The following ASTN2 variants were observed in gnomAD, a reference collection of about 807,000 sequenced individuals.
ASTN2 encodes the protein astrotactin 2, also known as astrotactin-2.
Under a neutral mutation model 139.8 loss-of-function variants are expected in ASTN2, and 54 were observed. That is an observed-to-expected ratio of 0.39 (90% CI 0.31 to 0.48). The LOEUF is 0.48. ASTN2 is among the 20% of genes least tolerant of loss of function. ASTN2 has a pLI of 0.95. For synonymous variants in ASTN2, 756 were observed against 719.5 expected (o/e 1.05, Z -0.81); for missense variants, 1,565 against 1,725.1 (o/e 0.91, Z 1.64).
chr9:116,429,815 T>C (rs1448090707), intron 22 of ASTN2, among the ~76,000 whole-genome samples: 2 of 152,172 alleles, frequency 1.3e-5, no homozygotes, highest in African/African-American at 4.8e-5. Context: ...CTACGTATGC[T>C]GTTCTGGGAA....
intron 2 of ASTN2, among the ~76,000 whole-genome samples, chr9:117,279,771 C>T (rs893636329): frequency 3.9e-5 from 6 of 152,190 alleles, no homozygotes; most frequent in African/African-American, 1.4e-4. Flanking sequence ...TGATTCAACA[C>T]TATTAACTAA....
At chr9:116,583,750 A>C (rs10121441) in intron 19 of ASTN2, 31,750 of 152,074 alleles carry the variant, frequency 0.21, 4,375 homozygotes, top group African/African-American at 0.38. Context: ...CTGAAATGGC[A>C]AGGAGGACAG....
intron 13 of ASTN2, among the ~76,000 whole-genome samples, chr9:116,742,128 A>G (rs988396092): frequency 2.6e-5 from 4 of 152,202 alleles, no homozygotes; most frequent in Admixed American, 1.3e-4. Flanking sequence ...TGAAAATGTT[A>G]AAATGTTTTT....
At chr9:117,052,029 G>A (rs1350378518) in intron 5 of ASTN2, among the ~76,000 whole-genome samples, 1 of 152,162 alleles carries the variant, frequency 6.6e-6, no homozygotes, top group African/African-American at 2.4e-5. Flanking sequence ...ATTGACTTTA[G>A]AATTAGAGAA....
intron 17 of ASTN2, among the ~76,000 whole-genome samples, chr9:116,648,320 GT>G (rs758740777): frequency 7.2e-5 from 11 of 151,902 alleles, no homozygotes; most frequent in Non-Finnish European, 1.3e-4. Context: ...TTCAGAAATG[GT>G]GGTCTCCCTA....
chr9:116,481,998 T>C (rs1248125292), intron 20 of ASTN2, among the ~76,000 whole-genome samples: 9 of 152,180 alleles, frequency 5.9e-5, no homozygotes, highest in Non-Finnish European at 8.8e-5. Context: ...CCTTAAGCTC[T>C]AGCTTTCCCA....
chr9:116,747,047 C>G (rs1289875681), intron 13 of ASTN2, among the ~76,000 whole-genome samples: 1 of 152,188 alleles, frequency 6.6e-6, no homozygotes, highest in Non-Finnish European at 1.5e-5. Context: ...ATCTCTGCCT[C>G]CCTTGCCGTC....
chr9:116,466,800 C>CA (rs1848659169), intron 20 of ASTN2, among the ~76,000 whole-genome samples: 1 of 151,968 alleles, frequency 6.6e-6, no homozygotes. Flanking sequence ...TTCTCCCAAG[C>CA]TTTTTTTTCT....
chr9:116,722,983 G>C (rs1366728002), intron 16 of ASTN2, among the ~76,000 whole-genome samples: 2 of 152,172 alleles, frequency 1.3e-5, no homozygotes, highest in African/African-American at 2.4e-5. Flanking sequence ...GGCTAACACA[G>C]TGAAACCCCA....
chr9:117,169,332 T>C (rs1830739076), intron 3 of ASTN2, among the ~76,000 whole-genome samples: 1 of 152,092 alleles, frequency 6.6e-6, no homozygotes, highest in African/African-American at 2.4e-5. Flanking sequence ...GATTTATAAA[T>C]AAGTAAAACG....
At chr9:117,396,234 TC>T (rs1282487122) in intron 1 of ASTN2, among the ~76,000 whole-genome samples, 5 of 152,174 alleles carry the variant, frequency 3.3e-5, no homozygotes, top group African/African-American at 4.8e-5. Flanking sequence ...ACTTAATGCC[TC>T]TGTCAACCTG....
intron 1 of ASTN2, among the ~76,000 whole-genome samples, chr9:117,306,308 C>A (rs1202455882): frequency 6.6e-6 from 1 of 152,158 alleles, no homozygotes; most frequent in Non-Finnish European, 1.5e-5. Context: ...GTCTCCACTT[C>A]TCATTTAGAG....
At chr9:116,562,311 C>T (rs1209782165) in intron 19 of ASTN2, 1 of 152,134 alleles carries the variant, frequency 6.6e-6, no homozygotes, top group African/African-American at 2.4e-5. Context: ...AACGTTTTTC[C>T]AAACTAACTA....
intron 3 of ASTN2, among the ~76,000 whole-genome samples, chr9:117,179,380 A>G (rs1252884983): frequency 6.6e-6 from 1 of 152,094 alleles, no homozygotes; most frequent in Non-Finnish European, 1.5e-5. Flanking sequence ...CATATCTTCT[A>G]TATATAGTCA....
At chr9:116,642,130 C>A (rs1338521257) in intron 17 of ASTN2, among the ~76,000 whole-genome samples, 5 of 9,232 alleles carry the variant, frequency 5.4e-4, no homozygotes, top group African/African-American at 2.6e-3. Context: ...GCTCCCAACC[C>A]ACAAAAAAAA....
intron 1 of ASTN2, among the ~76,000 whole-genome samples, chr9:117,351,081 G>A (rs1829372785): frequency 6.6e-6 from 1 of 152,166 alleles, no homozygotes; most frequent in Non-Finnish European, 1.5e-5. Flanking sequence ...CTCTTTAACA[G>A]AAGCGCATGA....
chr9:117,015,951 T>C (rs1270521508), intron 6 of ASTN2, among the ~76,000 whole-genome samples: 2 of 152,114 alleles, frequency 1.3e-5, no homozygotes, highest in Non-Finnish European at 2.9e-5. Context: ...TTATCAAGTG[T>C]TTTTAGACAT....
chr9:116,554,499 AG>A (rs1447396808), intron 19 of ASTN2, among the ~76,000 whole-genome samples: 1 of 152,200 alleles, frequency 6.6e-6, no homozygotes, highest in Non-Finnish European at 1.5e-5. Context: ...TTTAATGCAA[AG>A]GAAGCCTCCC....
intron 7 of ASTN2, among the ~76,000 whole-genome samples, chr9:116,987,719 A>T (rs983888062): frequency 6.6e-6 from 1 of 152,244 alleles, no homozygotes; most frequent in African/African-American, 2.4e-5. Context: ...TTTATAAATT[A>T]GGCACAGCAA....
Sources: allele counts gnomAD v4.1 joint callset (sites outside exome capture counted in the v4.1 genomes callset), GRCh38; gene constraint gnomAD v4.1.1; transcripts MANE v1.5; gene names NCBI Gene and HGNC (gene_info 2026-07-23, HGNC 2026-07-21).